Variants in ADAMTSL1 observed in about 807,000 individuals in gnomAD.
ADAMTSL1 encodes the protein ADAMTS-like protein 1.
Under a neutral mutation model 201.8 loss-of-function variants are expected in ADAMTSL1, and 126 were observed. That is an observed-to-expected ratio of 0.62 (90% CI 0.54 to 0.72). ADAMTSL1 has a LOEUF of 0.72. Ranked by LOEUF, ADAMTSL1 falls within the 30% of genes least tolerant of loss-of-function variation. The pLI is 0.00. For synonymous variants in ADAMTSL1, 1,121 were observed against 903.4 expected (o/e 1.24, Z -4.32); for missense variants, 2,679 against 2,277.8 (o/e 1.18, Z -3.59).
At chr9:18,771,961 C>T (rs1469312739) in intron 17 of ADAMTSL1, among the ~76,000 whole-genome samples, 1 of 152,156 alleles carries the variant, frequency 6.6e-6, no homozygotes, top group African/African-American at 2.4e-5. Flanking sequence ...GGTTTTATAA[C>T]TTGGCAGTAA....
At chr9:18,383,429 T>C (rs1837646187) in intron 2 of ADAMTSL1, among the ~76,000 whole-genome samples, 1 of 152,104 alleles carries the variant, frequency 6.6e-6, no homozygotes, top group South Asian at 2.1e-4. Context: ...GACAGAGAAA[T>C]AGTTCTCTGA....
chr9:18,744,265 T>C (rs1050236279), intron 15 of ADAMTSL1, among the ~76,000 whole-genome samples: 2 of 152,276 alleles, frequency 1.3e-5, no homozygotes, highest in African/African-American at 4.8e-5. Context: ...TTCTTTGCTA[T>C]GTCTCCTGGG....
intron 2 of ADAMTSL1, among the ~76,000 whole-genome samples, chr9:18,385,573 T>C (rs1424287420): frequency 6.6e-6 from 1 of 152,234 alleles, no homozygotes; most frequent in Non-Finnish European, 1.5e-5. Context: ...TCAAGCTACC[T>C]AGCCCTTCCT....
intron 1 of ADAMTSL1, among the ~76,000 whole-genome samples, chr9:18,114,311 A>C (rs1274846429): frequency 6.6e-6 from 1 of 152,202 alleles, no homozygotes; most frequent in African/African-American, 2.4e-5. Flanking sequence ...AGCTATGCAA[A>C]CCAAACAGCT....
chr9:17,931,764 C>T (rs1022993441), intron 1 of ADAMTSL1, among the ~76,000 whole-genome samples: 2 of 152,076 alleles, frequency 1.3e-5, no homozygotes, highest in African/African-American at 4.8e-5. Context: ...TGGTGGCATC[C>T]TTCTTGGTTC....
chr9:18,024,866 T>C (rs1231501555), intron 1 of ADAMTSL1, among the ~76,000 whole-genome samples: 1 of 152,150 alleles, frequency 6.6e-6, no homozygotes, highest in African/African-American at 2.4e-5. Context: ...GAGGGTGAAC[T>C]AATACACATT....
chr9:18,784,876 C>T (rs577258031), intron 19 of ADAMTSL1, among the ~76,000 whole-genome samples: 5 of 152,242 alleles, frequency 3.3e-5, no homozygotes, highest in Admixed American at 2.6e-4. Flanking sequence ...AAAAAGTAAT[C>T]GAGCTGGGGT....
intron 2 of ADAMTSL1, among the ~76,000 whole-genome samples, chr9:18,459,042 G>A (rs1183388290): frequency 6.6e-6 from 1 of 152,122 alleles, no homozygotes; most frequent in Non-Finnish European, 1.5e-5. Flanking sequence ...TTTAAAAGGG[G>A]GAAAAGGTGG....
At chr9:18,518,434 G>A (rs1006452056) in intron 2 of ADAMTSL1, among the ~76,000 whole-genome samples, 3 of 152,098 alleles carry the variant, frequency 2.0e-5, no homozygotes, top group African/African-American at 4.8e-5. Flanking sequence ...AATTCACTTA[G>A]GATAATGGCC....
intron 15 of ADAMTSL1, among the ~76,000 whole-genome samples, chr9:18,727,271 A>G (rs1376124497): frequency 6.6e-6 from 1 of 152,206 alleles, no homozygotes; most frequent in Non-Finnish European, 1.5e-5. Flanking sequence ...TGCTCTTGAA[A>G]TATTGGTTTA....
intron 1 of ADAMTSL1, among the ~76,000 whole-genome samples, chr9:18,075,431 C>G (rs898185725): frequency 6.6e-6 from 1 of 151,696 alleles, no homozygotes; most frequent in African/African-American, 2.4e-5. Flanking sequence ...TGGGACTCAC[C>G]CCACCCTATC....
intron 2 of ADAMTSL1, among the ~76,000 whole-genome samples, chr9:18,324,067 G>A (rs557445578): frequency 6.6e-6 from 1 of 152,262 alleles, no homozygotes; most frequent in Admixed American, 6.5e-5. Flanking sequence ...TATACTACCT[G>A]ATTTCAAAAC....
chr9:18,196,256 A>G (rs1450171919), intron 2 of ADAMTSL1, among the ~76,000 whole-genome samples: 1 of 152,044 alleles, frequency 6.6e-6, no homozygotes, highest in Non-Finnish European at 1.5e-5. Context: ...TGAGCTACTG[A>G]TGTGAATAAT....
In ADAMTSL1 at chr9:18,360,026, G is replaced by A. The variant is rs143637656; in HGVS notation, c.208-144803G>A. Among the ~76,000 whole-genome samples the A allele has an allele frequency of 1.8e-4, 28 of 152,160 alleles. No individual in the cohort carries two copies. The East Asian group carries it at 5.0e-3, about 27-fold the overall frequency. On this transcript the variant is annotated intron_variant, in intron 2 of 29. Coordinates refer to the ADAMTSL1 transcript ENST00000680146. ...ATTAGAGATTAAAACATCTAGCAAA[G>A]TACTTGGCACTTGATTAGTGCTCAA...
chr9:18,438,893 C>A (rs981982829), intron 2 of ADAMTSL1, among the ~76,000 whole-genome samples: 1 of 152,202 alleles, frequency 6.6e-6, no homozygotes, highest in Non-Finnish European at 1.5e-5. Context: ...CAGGCACATG[C>A]AGCCTCGATT....
chr9:18,523,669 G>C (rs1312323333), intron 2 of ADAMTSL1, among the ~76,000 whole-genome samples: 2 of 146,912 alleles, frequency 1.4e-5, no homozygotes, highest in African/African-American at 2.5e-5. Flanking sequence ...TGGCTAGCCA[G>C]TTTTCCCAGC....
At chr9:18,142,367 A>C (rs990778758) in intron 1 of ADAMTSL1, among the ~76,000 whole-genome samples, 7 of 152,222 alleles carry the variant, frequency 4.6e-5, no homozygotes, top group African/African-American at 1.7e-4. Flanking sequence ...AGAAAAAGTC[A>C]GTGGAATAGG....
At chr9:18,249,950 A>G (rs934987053) in intron 2 of ADAMTSL1, among the ~76,000 whole-genome samples, 10 of 152,198 alleles carry the variant, frequency 6.6e-5, no homozygotes, top group Non-Finnish European at 1.2e-4. Context: ...ATCATGTACT[A>G]TGAGACTCCT....
intron 2 of ADAMTSL1, among the ~76,000 whole-genome samples, chr9:18,342,833 G>T (rs1456725721): frequency 1.3e-5 from 2 of 152,020 alleles, no homozygotes; most frequent in South Asian, 4.2e-4. Context: ...AAAGAAACTG[G>T]ACTCAAGAAA....
Sources: gnomAD v4.1 joint callset for allele counts (sites outside exome capture counted in the v4.1 genomes callset) on GRCh38, gnomAD v4.1.1 for gene constraint, MANE v1.5 for transcripts, NCBI Gene and HGNC (gene_info 2026-07-23, HGNC 2026-07-21) for gene names.